Variants in PAM observed in about 807,000 individuals in gnomAD.
The protein encoded by PAM is peptidyl-glycine alpha-amidating monooxygenase.
A neutral mutation model predicts 122.1 loss-of-function variants in PAM; 72 were observed. The observed-to-expected ratio is 0.59, with a 90% CI of 0.49 to 0.72. The LOEUF (loss-of-function observed/expected upper bound fraction) is 0.72, where lower values mean the gene tolerates loss of function less well. Among genes scored for constraint, PAM ranks in the 30% least tolerant of loss-of-function variants. The pLI, the probability that PAM is intolerant of heterozygous loss-of-function variation, is 0.00. For synonymous variants in PAM, 389 were observed against 404.4 expected, an observed-to-expected ratio of 0.96 and a Z score of 0.46; for missense variants, 1,106 against 1,183.7, an observed-to-expected ratio of 0.93 and a Z score of 0.96.
At chr5:102,886,017 C>T (rs536519641) in intron 3 of PAM, among the ~76,000 whole-genome samples, 1 of 152,096 alleles carries the variant, frequency 6.6e-6, no homozygotes, top group South Asian at 2.1e-4. Flanking sequence ...TTCTCACTTG[C>T]CTCTTTCTTG....
At chr5:102,961,724 T>C (rs1425150164) in intron 14 of PAM, among the ~76,000 whole-genome samples, 1 of 151,910 alleles carries the variant, frequency 6.6e-6, no homozygotes, top group African/African-American at 2.4e-5. Flanking sequence ...TCTATAGTTT[T>C]GTGTTAAGTT....
At chr5:103,005,617 C>G (rs1440730041) in intron 18 of PAM, among the ~76,000 whole-genome samples, 1 of 152,144 alleles carries the variant, frequency 6.6e-6, no homozygotes, top group African/African-American at 2.4e-5. Context: ...CATGAGAACT[C>G]TACCCTTTTG....
intron 23 of PAM, among the ~76,000 whole-genome samples, chr5:103,022,777 TA>T (rs1437525622): frequency 6.6e-6 from 1 of 152,102 alleles, no homozygotes; most frequent in Non-Finnish European, 1.5e-5. Flanking sequence ...GGATTTTTAA[TA>T]AAAGAATTTA....
intron 21 of PAM, among the ~76,000 whole-genome samples, chr5:103,016,784 C>A (rs1183494193): frequency 2.0e-5 from 3 of 152,278 alleles, no homozygotes; most frequent in African/African-American, 7.2e-5. Context: ...CACATTGCTA[C>A]GTATCTCTTA....
At chr5:102,831,481 A>G (rs1223366176) in intron 1 of PAM, among the ~76,000 whole-genome samples, 1 of 151,112 alleles carries the variant, frequency 6.6e-6, no homozygotes, top group Non-Finnish European at 1.5e-5. Context: ...TTAAGGACAC[A>G]TTTTAACATA....
rs1444787639 is a variant in PAM at position 102,786,618 on chromosome 5, A to C, written c.-374+31270A>C. ...GGAGAAAATGGAGAAAGGCATCACAAATGTAGTATAATTTCTAAATAAATA... is the reference window on the plus strand; with the variant it reads ...GGAGAAAATGGAGAAAGGCATCACACATGTAGTATAATTTCTAAATAAATA... On this transcript the variant is annotated intron_variant, in intron 1 of 25. Coordinates refer to ENST00000438793, the MANE Select transcript of PAM (RefSeq NM_001177306.2). 2.6e-5 allele frequency among the ~76,000 whole-genome samples: 4 copies of C among 152,160 alleles called. No homozygotes were observed. The East Asian group carries it at 7.7e-4, about 29-fold the overall frequency.
At chr5:102,832,485 CAT>C (rs1372098417) in intron 1 of PAM, among the ~76,000 whole-genome samples, 4 of 151,812 alleles carry the variant, frequency 2.6e-5, no homozygotes, top group Non-Finnish European at 5.9e-5. Context: ...CCTACAAATA[CAT>C]ATCTATGATA....
chr5:102,920,656 C>T (rs1006445593), intron 5 of PAM, among the ~76,000 whole-genome samples: 1 of 152,074 alleles, frequency 6.6e-6, no homozygotes, highest in Non-Finnish European at 1.5e-5. Flanking sequence ...GGACCATCCC[C>T]TCATGCTATT....
At chr5:102,818,924 C>T (rs78275618) in intron 1 of PAM, among the ~76,000 whole-genome samples, 2,104 of 152,278 alleles carry the variant, frequency 0.014, 54 homozygotes, top group African/African-American at 0.048. Context: ...TGTGCACACA[C>T]ACCTCTTCTC....
Position 103,005,061 on chromosome 5 carries a change from T to G in PAM, c.1731-93T>G. 4.2e-6 allele frequency: 3 copies of G among 720,488 alleles called. No homozygotes were observed. In the South Asian group the frequency reaches 4.7e-5, roughly 11 times the overall value. The allele number at this position is 720,488 out of a possible 1,614,324, so 44.6% of individuals were successfully genotyped here. On this transcript the variant is annotated intron_variant, in intron 17 of 25. Transcript: ENST00000438793. ...AAGTATACATTTATCAATTTATAAC[T>G]TTGCATTGTCTTTACAGATTAATTA...
At chr5:103,004,230 G>T (rs1778255979) in intron 17 of PAM, among the ~76,000 whole-genome samples, 1 of 152,132 alleles carries the variant, frequency 6.6e-6, no homozygotes, top group Non-Finnish European at 1.5e-5. Flanking sequence ...CTGTTTCATT[G>T]GTGCTCTATT....
intron 14 of PAM, among the ~76,000 whole-genome samples, chr5:102,965,302 G>A (rs1388500615): frequency 1.3e-5 from 2 of 151,176 alleles, no homozygotes; most frequent in Non-Finnish European, 3.0e-5. Flanking sequence ...CTATACCAAA[G>A]CTATAAACAT....
At chr5:103,011,236 T>A (rs1347035833) in intron 21 of PAM, among the ~76,000 whole-genome samples, 1 of 152,208 alleles carries the variant, frequency 6.6e-6, no homozygotes, top group African/African-American at 2.4e-5. Flanking sequence ...ACTCAAGCCA[T>A]GTGGCAAGTA....
intron 1 of PAM, among the ~76,000 whole-genome samples, chr5:102,826,491 C>T (rs533019916): frequency 3.9e-5 from 6 of 151,954 alleles, no homozygotes; most frequent in South Asian, 2.1e-4. Flanking sequence ...TGTAGACATA[C>T]GGTAGATTTT....
intron 1 of PAM, among the ~76,000 whole-genome samples, chr5:102,783,155 G>A (rs1004756124): frequency 6.6e-6 from 1 of 150,472 alleles, no homozygotes. Flanking sequence ...TATATTTGTT[G>A]TCATGACCAG....
intron 3 of PAM, among the ~76,000 whole-genome samples, chr5:102,887,361 A>T (rs992065378): frequency 6.6e-6 from 1 of 151,928 alleles, no homozygotes; most frequent in South Asian, 2.1e-4. Context: ...GCTTTTATTC[A>T]TGAGTTGAAG....
At chr5:103,025,853 G>A (rs1348968406) in intron 24 of PAM, among the ~76,000 whole-genome samples, 3 of 152,100 alleles carry the variant, frequency 2.0e-5, no homozygotes, top group Non-Finnish European at 1.5e-5. Flanking sequence ...GTACAAAGAT[G>A]AAATAATGTA....
At chr5:102,787,887 A>G (rs1760969256) in intron 1 of PAM, among the ~76,000 whole-genome samples, 1 of 152,058 alleles carries the variant, frequency 6.6e-6, no homozygotes, top group Admixed American at 6.6e-5. Context: ...GGGATTTATT[A>G]AATTATTCAT....
intron 3 of PAM, among the ~76,000 whole-genome samples, chr5:102,899,895 T>G (rs1447217676): frequency 5.9e-5 from 9 of 151,488 alleles, no homozygotes; most frequent in Non-Finnish European, 1.5e-5. Flanking sequence ...CTGGGTTTGT[T>G]ATTTGGGAGG....
Sources: allele counts gnomAD v4.1 joint callset (sites outside exome capture counted in the v4.1 genomes callset), GRCh38; gene constraint gnomAD v4.1.1; transcripts MANE v1.5; gene names NCBI Gene and HGNC (gene_info 2026-07-23, HGNC 2026-07-21).